Variants in SNTG2 observed in about 807,000 individuals in gnomAD.
The protein encoded by SNTG2 is gamma-2-syntrophin.
Under a neutral mutation model 70.9 loss-of-function variants are expected in SNTG2, and 74 were observed. That is an observed-to-expected ratio of 1.04 (90% CI 0.86 to 1.27). The LOEUF (loss-of-function observed/expected upper bound fraction) is 1.27. Among genes scored for constraint, SNTG2 ranks in the 50% most tolerant of loss-of-function variants. The probability of loss-of-function intolerance (pLI) is 0.00; values close to 1 mark genes in which losing one functional copy is unlikely to be tolerated. For missense variants in SNTG2, 717 were observed against 690.7 expected (o/e 1.04, Z -0.43); for synonymous variants, 278 against 273.8 (o/e 1.02, Z -0.15).
intron 14 of SNTG2, among the ~76,000 whole-genome samples, chr2:1,277,754 C>T (rs1352626814): frequency 6.6e-6 from 1 of 152,146 alleles, no homozygotes; most frequent in Non-Finnish European, 1.5e-5. Flanking sequence ...TGGTGACATG[C>T]AAGCTGGGCA....
At chr2:1,193,361 A>G (rs1672716889) in intron 8 of SNTG2, among the ~76,000 whole-genome samples, 1 of 152,172 alleles carries the variant, frequency 6.6e-6, no homozygotes, top group Non-Finnish European at 1.5e-5. Flanking sequence ...GCAGCCGCTC[A>G]CCACCTGATG....
intron 4 of SNTG2, among the ~76,000 whole-genome samples, chr2:1,134,275 C>T (rs903717569): frequency 3.9e-5 from 6 of 152,144 alleles, no homozygotes; most frequent in South Asian, 2.1e-4. Flanking sequence ...CCACTGGTGG[C>T]GCCGGGATCC....
intron 8 of SNTG2, among the ~76,000 whole-genome samples, chr2:1,207,788 G>A (rs1037341905): frequency 2.0e-5 from 3 of 152,158 alleles, no homozygotes; most frequent in South Asian, 2.1e-4. Context: ...CCAGTTCAGC[G>A]GCACAGAACT....
chr2:1,146,717 A>G (rs1003391811), intron 6 of SNTG2, among the ~76,000 whole-genome samples: 1 of 152,222 alleles, frequency 6.6e-6, no homozygotes, highest in Non-Finnish European at 1.5e-5. Flanking sequence ...ATGGAATGTA[A>G]TAGCCCAGAA....
chr2:1,261,414 A>G (rs1678407093), intron 13 of SNTG2, among the ~76,000 whole-genome samples: 1 of 152,200 alleles, frequency 6.6e-6, no homozygotes, highest in Non-Finnish European at 1.5e-5. Context: ...CAAATTCTGA[A>G]GTTGTGATTT....
chr2:1,074,335 C>G (rs1387842223), intron 1 of SNTG2, among the ~76,000 whole-genome samples: 2 of 152,156 alleles, frequency 1.3e-5, no homozygotes, highest in African/African-American at 4.8e-5. Flanking sequence ...CCCTGACATT[C>G]TTTTTGATCT....
At chr2:1,279,672 G>A (rs1436466418) in intron 14 of SNTG2, among the ~76,000 whole-genome samples, 1 of 152,152 alleles carries the variant, frequency 6.6e-6, no homozygotes, top group African/African-American at 2.4e-5. Flanking sequence ...TGCTTTTTGC[G>A]ATGTTTTCAG....
intron 4 of SNTG2, chr2:1,102,454 G>A (rs2148223844): frequency 6.6e-6 from 1 of 152,572 alleles, no homozygotes; most frequent in East Asian, 1.9e-4. Flanking sequence ...TGTCCTTGGA[G>A]GCTCCACGTC....
At chr2:1,342,719 A>G (rs201242822) in intron 16 of SNTG2, among the ~76,000 whole-genome samples, 29 of 10,634 alleles carry the variant, frequency 2.7e-3, no homozygotes, top group Non-Finnish European at 3.5e-3. Flanking sequence ...TGTTCTGGGC[A>G]CGCCTGGCCC....
At chr2:1,061,404 CT>C (rs538317897) in intron 1 of SNTG2, among the ~76,000 whole-genome samples, 5 of 152,314 alleles carry the variant, frequency 3.3e-5, no homozygotes, top group Non-Finnish European at 5.9e-5. Context: ...TGCTGATTGC[CT>C]TTGTTCCAGA....
At chr2:1,058,969 A>G (rs907695627) in intron 1 of SNTG2, among the ~76,000 whole-genome samples, 1 of 152,162 alleles carries the variant, frequency 6.6e-6, no homozygotes, top group African/African-American at 2.4e-5. Flanking sequence ...CAGCCATGGG[A>G]CCACCCCTGG....
At chr2:1,120,097 A>C (rs1037267264) in intron 4 of SNTG2, among the ~76,000 whole-genome samples, 3 of 152,188 alleles carry the variant, frequency 2.0e-5, no homozygotes, top group African/African-American at 7.2e-5. Context: ...ATCACCTTGA[A>C]TATTACAACA....
At chr2:1,246,666 C>T (rs1257244804) in intron 11 of SNTG2, among the ~76,000 whole-genome samples, 7 of 152,072 alleles carry the variant, frequency 4.6e-5, no homozygotes. Flanking sequence ...GAAATTACTC[C>T]TGGTACTTGC....
At chr2:973,469 G>A (rs1378418023) in intron 1 of SNTG2, among the ~76,000 whole-genome samples, 1 of 151,570 alleles carries the variant, frequency 6.6e-6, no homozygotes, top group East Asian at 1.9e-4. Flanking sequence ...ATTGAGGGAC[G>A]GGCGTATTAA....
chr2:1,288,929 A>G (rs546160908), intron 14 of SNTG2, among the ~76,000 whole-genome samples: 16 of 152,058 alleles, frequency 1.1e-4, no homozygotes, highest in African/African-American at 3.4e-4. Flanking sequence ...CAGCCACACA[A>G]ATCTGACTTC....
At chr2:1,249,383 A>G (rs1383766810) in intron 12 of SNTG2, among the ~76,000 whole-genome samples, 1 of 152,220 alleles carries the variant, frequency 6.6e-6, no homozygotes, top group East Asian at 1.9e-4. Context: ...TAGTAAACAA[A>G]TATACTTGAC....
At chr2:1,262,632 AAAGGCTCAGTCCAGACGTAGTAACCGG>A (rs1678475936) in intron 13 of SNTG2, among the ~76,000 whole-genome samples, 4 of 140,514 alleles carry the variant, frequency 2.8e-5, no homozygotes, top group Non-Finnish European at 6.4e-5. Flanking sequence ...GAGGAAACCC[AAAGGCTCAGTCCAGACGTAGTAACCGG>A]AAGGCTCAGT....
chr2:1,081,897 G>C (rs992360476), intron 1 of SNTG2, among the ~76,000 whole-genome samples: 2 of 152,248 alleles, frequency 1.3e-5, no homozygotes, highest in African/African-American at 4.8e-5. Context: ...TGGGCTGCCA[G>C]CCAGATAGTC....
At chr2:998,355 T>A (rs1442599856) in intron 1 of SNTG2, among the ~76,000 whole-genome samples, 2 of 151,906 alleles carry the variant, frequency 1.3e-5, no homozygotes, top group East Asian at 3.9e-4. Flanking sequence ...CTAGAGAAAC[T>A]TGTTGAGTTT....
Sources: allele counts gnomAD v4.1 joint callset (sites outside exome capture counted in the v4.1 genomes callset), GRCh38; gene constraint gnomAD v4.1.1; transcripts MANE v1.5; gene names NCBI Gene and HGNC (gene_info 2026-07-23, HGNC 2026-07-21).